Variants in ADGRL3 observed in about 807,000 individuals in gnomAD.
ADGRL3 encodes adhesion G protein-coupled receptor L3.
In ADGRL3, 62 loss-of-function variants were observed where a neutral mutation model predicts 153.5. The ratio of observed to expected loss-of-function variants is 0.40; its 90% CI spans 0.33 to 0.50. The LOEUF (loss-of-function observed/expected upper bound fraction) is 0.50. Ranked by LOEUF, ADGRL3 falls within the 20% of genes least tolerant of loss-of-function variation. The pLI is 0.47. For synonymous variants in ADGRL3, 710 were observed against 672.5 expected (o/e 1.06, Z -0.86); for missense variants, 1,641 against 1,859.4 (o/e 0.88, Z 2.16).
chr4:61,306,007 A>G (rs1470815397), intron 1 of ADGRL3, among the ~76,000 whole-genome samples: 2 of 152,144 alleles, frequency 1.3e-5, no homozygotes, highest in African/African-American at 4.8e-5. Context: ...ATGAAGTTAG[A>G]GATTCTTCAA....
chr4:62,006,846 A>G (rs915761544), intron 21 of ADGRL3, among the ~76,000 whole-genome samples: 4 of 152,086 alleles, frequency 2.6e-5, no homozygotes, highest in Non-Finnish European at 5.9e-5. Flanking sequence ...AGTCACTAAA[A>G]AGTATGTTTC....
At chr4:61,647,157 A>G (rs1013655962) in intron 5 of ADGRL3, among the ~76,000 whole-genome samples, 4 of 152,060 alleles carry the variant, frequency 2.6e-5, no homozygotes, top group Non-Finnish European at 5.9e-5. Flanking sequence ...CACTGCACCC[A>G]CTGGCCTGCG....
At chr4:61,970,261 A>G (rs1421397078) in intron 17 of ADGRL3, among the ~76,000 whole-genome samples, 2 of 152,146 alleles carry the variant, frequency 1.3e-5, no homozygotes, top group African/African-American at 2.4e-5. Context: ...TGCTATCATC[A>G]TTAGTCACTT....
At chr4:61,667,603 TA>T (rs1202144845) in intron 5 of ADGRL3, among the ~76,000 whole-genome samples, 2 of 152,192 alleles carry the variant, frequency 1.3e-5, no homozygotes, top group Non-Finnish European at 1.5e-5. Context: ...TGTGAGGTTT[TA>T]CGTAAGTCCA....
At chr4:61,967,573 G>T (rs751760012) in intron 17 of ADGRL3, among the ~76,000 whole-genome samples, 2 of 152,146 alleles carry the variant, frequency 1.3e-5, no homozygotes, top group Non-Finnish European at 2.9e-5. Flanking sequence ...TTTTAGACTT[G>T]TAGGAATTCC....
intron 6 of ADGRL3, among the ~76,000 whole-genome samples, chr4:61,687,974 T>C (rs561888617): frequency 1.2e-4 from 19 of 152,176 alleles, no homozygotes; most frequent in Non-Finnish European, 2.1e-4. Context: ...CACACCCTCA[T>C]GATACAAACA....
At chr4:61,635,453 A>T (rs1452860581) in intron 5 of ADGRL3, among the ~76,000 whole-genome samples, 2 of 152,176 alleles carry the variant, frequency 1.3e-5, no homozygotes, top group Non-Finnish European at 2.9e-5. Context: ...CAAAAGTACC[A>T]GGAAATGGCC....
chr4:61,819,204 G>A (rs1351717143), intron 9 of ADGRL3, among the ~76,000 whole-genome samples: 1 of 152,096 alleles, frequency 6.6e-6, no homozygotes, highest in African/African-American at 2.4e-5. Context: ...GGAGAGAGAG[G>A]AGGAAGAGAG....
chr4:61,432,731 G>T (rs538069949), intron 2 of ADGRL3, among the ~76,000 whole-genome samples: 2 of 145,002 alleles, frequency 1.4e-5, no homozygotes, highest in African/African-American at 5.1e-5. Context: ...TCGGCGCACC[G>T]CAACCTCTGC....
intron 1 of ADGRL3, among the ~76,000 whole-genome samples, chr4:61,373,101 C>T (rs1350719308): frequency 6.6e-6 from 1 of 152,128 alleles, no homozygotes; most frequent in African/African-American, 2.4e-5. Flanking sequence ...GCAGGGTGCG[C>T]ACACTCACTG....
At chr4:61,790,570 TCTCA>T (rs888039709) in intron 8 of ADGRL3, among the ~76,000 whole-genome samples, 7 of 152,224 alleles carry the variant, frequency 4.6e-5, no homozygotes, top group African/African-American at 9.6e-5. Context: ...ATGTGGTCTC[TCTCA>T]CTCTTTCTCT....
chr4:61,646,459 T>G lies in ADGRL3; in HGVS notation c.474-30367T>G, dbSNP rs1336726405. ...TGATGATGGTGATGTACAGATGGGT[T>G]TTTGGTGTGGATGTCCTTTCTGTTT... On this transcript the variant is annotated intron_variant, in intron 5 of 26. Transcript: ENST00000683033. Among the ~76,000 whole-genome samples the G allele has an allele frequency of 1.3e-5, 2 of 151,948 alleles. 1 individual carries two copies. The highest frequency in any genetic ancestry group is 4.2e-4 in the South Asian group (2 of 4,814).
chr4:61,597,112 C>A (rs2098992213), intron 5 of ADGRL3, among the ~76,000 whole-genome samples: 1 of 151,014 alleles, frequency 6.6e-6, no homozygotes, highest in Non-Finnish European at 1.5e-5. Context: ...GACTTGAGAT[C>A]TTTCCAAAAA....
At chr4:61,296,136 T>G (rs1175919740) in intron 1 of ADGRL3, among the ~76,000 whole-genome samples, 1 of 152,204 alleles carries the variant, frequency 6.6e-6, no homozygotes, top group African/African-American at 2.4e-5. Flanking sequence ...AAAAAGGTAT[T>G]TTAAAATAGA....
At chr4:61,477,314 G>A (rs74397777) in intron 2 of ADGRL3, among the ~76,000 whole-genome samples, 18,044 of 151,978 alleles carry the variant, frequency 0.12, 1,300 homozygotes, top group Non-Finnish European at 0.15. Flanking sequence ...TTATTATTAA[G>A]CTATGGTAGC....
intron 2 of ADGRL3, among the ~76,000 whole-genome samples, chr4:61,440,111 C>T (rs911106582): frequency 1.1e-4 from 16 of 152,148 alleles, no homozygotes; most frequent in African/African-American, 3.6e-4. Flanking sequence ...TACAGTAGTG[C>T]AATCTTGGCT....
chr4:61,966,003 T>A (rs1189367206), intron 17 of ADGRL3, among the ~76,000 whole-genome samples: 1 of 152,188 alleles, frequency 6.6e-6, no homozygotes, highest in African/African-American at 2.4e-5. Context: ...TGTGGGATAA[T>A]TGTCTCTAGA....
chr4:61,796,445 T>G (rs2097413345), intron 8 of ADGRL3, among the ~76,000 whole-genome samples: 1 of 152,098 alleles, frequency 6.6e-6, no homozygotes, highest in Admixed American at 6.5e-5. Flanking sequence ...AGATCAAAGA[T>G]AAAGGAACCA....
At chr4:61,907,294 T>TGTCACCC (rs1318417881) in intron 11 of ADGRL3, among the ~76,000 whole-genome samples, 1 of 152,130 alleles carries the variant, frequency 6.6e-6, no homozygotes, top group Non-Finnish European at 1.5e-5. Context: ...ACTCTTGCTC[T>TGTCACCC]GTCACCCAGG....
Sources: allele counts gnomAD v4.1 joint callset (sites outside exome capture counted in the v4.1 genomes callset), GRCh38; gene constraint gnomAD v4.1.1; transcripts MANE v1.5; gene names NCBI Gene and HGNC (gene_info 2026-07-23, HGNC 2026-07-21).